EIF4E: variants seen among roughly 807,000 people sequenced by gnomAD.
EIF4E encodes eIF-4F 25 kDa subunit.
For missense variants in EIF4E, 113 were observed against 265.6 expected (o/e 0.43, Z 3.99); for synonymous variants, 71 against 88.5 (o/e 0.80, Z 1.11).
At chr4:98,927,654 CAAAAAAAAAAAAAAAAAA>C (rs774720176) in intron 1 of EIF4E, among the ~76,000 whole-genome samples, 24 of 35,088 alleles carry the variant, frequency 6.8e-4, no homozygotes, top group African/African-American at 2.1e-3. Flanking sequence ...GACTCCATCT[CAAAAAAAAAAAAAAAAAA>C]AAAAAAAAAA....
chr4:98,892,187 A>C (rs905224847), intron 2 of EIF4E, among the ~76,000 whole-genome samples: 2 of 151,482 alleles, frequency 1.3e-5, no homozygotes, highest in Non-Finnish European at 2.9e-5. Context: ...TCTCTAGGAA[A>C]AATACAAAAC....
intron 1 of EIF4E, among the ~76,000 whole-genome samples, chr4:98,913,054 A>G (rs1725221487): frequency 6.6e-6 from 1 of 151,996 alleles, no homozygotes; most frequent in East Asian, 1.9e-4. Context: ...CTAAAAATAC[A>G]AAAATTAGCC....
intron 2 of EIF4E, among the ~76,000 whole-genome samples, chr4:98,900,586 GA>G (rs1260662531): frequency 6.6e-6 from 1 of 152,078 alleles, no homozygotes; most frequent in Non-Finnish European, 1.5e-5. Flanking sequence ...AAAAAGACAA[GA>G]AATGAACTGA....
At chr4:98,885,960 C>G (rs1461940727) in intron 5 of EIF4E, among the ~76,000 whole-genome samples, 1 of 152,050 alleles carries the variant, frequency 6.6e-6, no homozygotes, top group Non-Finnish European at 1.5e-5. Context: ...TCATGATCTT[C>G]CCCCTCAAAA....
chr4:98,902,943 A>G (rs1724712865), intron 1 of EIF4E, among the ~76,000 whole-genome samples: 1 of 152,222 alleles, frequency 6.6e-6, no homozygotes, highest in South Asian at 2.1e-4. Context: ...CATACTGTTT[A>G]CCCTATCGTA....
chr4:98,927,163 T>C (rs12649066), intron 1 of EIF4E, among the ~76,000 whole-genome samples: 13,051 of 152,166 alleles, frequency 0.086, 1,236 homozygotes, highest in East Asian at 0.49. Flanking sequence ...CTAAAGTCAG[T>C]TAACTGTAGC....
chr4:98,928,916 C>G, intron 1 of EIF4E, 179 bp downstream of exon 1: 1 of 1,567,710 alleles, frequency 6.4e-7, no homozygotes, highest in Non-Finnish European at 8.6e-7. Flanking sequence ...CGCTACACGC[C>G]GCCTCGGCCA....
chr4:98,893,346 AC>A (rs765086161), intron 2 of EIF4E, among the ~76,000 whole-genome samples: 3 of 151,726 alleles, frequency 2.0e-5, no homozygotes, highest in Non-Finnish European at 2.9e-5. Flanking sequence ...ACACTGATTG[AC>A]TCTTCATTTC....
chr4:98,907,689 T>C (rs1405182729), intron 1 of EIF4E, among the ~76,000 whole-genome samples: 2 of 152,170 alleles, frequency 1.3e-5, no homozygotes, highest in Non-Finnish European at 1.5e-5. Flanking sequence ...TAACCCCAAC[T>C]TGATGAGTCC....
chr4:98,912,895 G>C (rs1283003519), intron 1 of EIF4E, among the ~76,000 whole-genome samples: 2 of 152,074 alleles, frequency 1.3e-5, no homozygotes, highest in African/African-American at 2.4e-5. Flanking sequence ...TCAAACAAAT[G>C]AGCAGTTACT....
intron 2 of EIF4E, among the ~76,000 whole-genome samples, chr4:98,892,184 G>C (rs1456463720): frequency 6.7e-6 from 1 of 150,298 alleles, no homozygotes; most frequent in East Asian, 2.0e-4. Flanking sequence ...CCGTCTCTAG[G>C]AAAAATACAA....
chr4:98,889,208 C>T (rs1009567151), intron 3 of EIF4E, among the ~76,000 whole-genome samples: 1 of 151,806 alleles, frequency 6.6e-6, no homozygotes, highest in Admixed American at 6.6e-5. Context: ...AAATCAAATT[C>T]CATAGTATAA....
chr4:98,917,117 CACACACACACACACACAAAAAA>C (rs1275033638), intron 1 of EIF4E, among the ~76,000 whole-genome samples: 2 of 60,762 alleles, frequency 3.3e-5, no homozygotes, highest in South Asian at 4.0e-4. Context: ...CACACACACA[CACACACACACACACACAAAAAA>C]AACCCAAATG....
At chr4:98,881,329 G>C (rs1417578872) in intron 6 of EIF4E, among the ~76,000 whole-genome samples, 187 bp from the exon 7 acceptor site, 1 of 151,828 alleles carries the variant, frequency 6.6e-6, no homozygotes, top group Admixed American at 6.6e-5. Flanking sequence ...GATATTCTTG[G>C]TTAATTACTT....
chr4:98,919,615 G>T (rs1259278099), intron 1 of EIF4E, among the ~76,000 whole-genome samples: 3 of 145,946 alleles, frequency 2.1e-5, no homozygotes, highest in African/African-American at 7.7e-5. Context: ...CTGGCGTGCA[G>T]TGGTGCAGTC....
chr4:98,886,268 C>T (rs969831291), intron 5 of EIF4E: 5 of 240,466 alleles, frequency 2.1e-5, no homozygotes, highest in African/African-American at 1.2e-4. Context: ...AACCCCGCTC[C>T]TATAAGCTTG....
At position 98,884,905 on chromosome 4, in the gene EIF4E, C is replaced by A. The variant is rs1723851840; in HGVS notation, c.539+17G>T. Reference sequence around the variant, plus strand: ...ATCTTAATACTGTAAAATAAGTAGGCAAAGAGCAAAACTTACCCTATATGT... The same window carrying A: ...ATCTTAATACTGTAAAATAAGTAGGAAAAGAGCAAAACTTACCCTATATGT... On this transcript the variant is annotated intron_variant, in intron 6 of 6. Coordinates refer to ENST00000450253, the MANE Select transcript of EIF4E (RefSeq NM_001968.5). 1 of 1,611,520 alleles carries A rather than the reference C, an allele frequency of 6.2e-7. No individual in the cohort carries two copies. Among genetic ancestry groups the A allele is most frequent in the East Asian group, 2.2e-5 (1 of 44,752 alleles).
intron 6 of EIF4E, 134 bp from the exon 7 acceptor site, chr4:98,881,276 A>T (rs1723681937): frequency 5.6e-6 from 8 of 1,436,092 alleles, no homozygotes; most frequent in Non-Finnish European, 6.5e-6. Context: ...GAAATTAATT[A>T]TACACCCTTT....
intron 2 of EIF4E, 57 bp downstream of exon 2, chr4:98,901,819 C>T: frequency 6.8e-7 from 1 of 1,474,770 alleles, no homozygotes; most frequent in Non-Finnish European, 9.5e-7. Flanking sequence ...CAAACTTGCC[C>T]CATTCACAAT....
Sources: allele counts gnomAD v4.1 joint callset (sites outside exome capture counted in the v4.1 genomes callset), GRCh38; gene constraint gnomAD v4.1.1; transcripts MANE v1.5; gene names NCBI Gene and HGNC (gene_info 2026-07-23, HGNC 2026-07-21).